The following RBFOX1 variants were observed in gnomAD, a reference collection of about 807,000 sequenced individuals.
The protein encoded by RBFOX1 is RNA binding protein fox-1 homolog 1.
A neutral mutation model predicts 57.7 loss-of-function variants in RBFOX1; 8 were observed. The observed-to-expected ratio is 0.14, with a 90% CI of 0.08 to 0.25. RBFOX1 has a LOEUF of 0.25. RBFOX1 is among the 10% of genes least tolerant of loss of function. RBFOX1 has a pLI of 1.00. For synonymous variants in RBFOX1, 326 were observed against 222.4 expected, an observed-to-expected ratio of 1.47 and a Z score of -4.15; for missense variants, 611 against 548.5, an observed-to-expected ratio of 1.11 and a Z score of -1.14.
intron 4 of RBFOX1, among the ~76,000 whole-genome samples, chr16:7,322,956 A>T (rs1410412864): frequency 2.6e-5 from 4 of 152,082 alleles, no homozygotes; most frequent in Non-Finnish European, 4.4e-5. Flanking sequence ...CCACTTCCTG[A>T]AGACTCAGTG....
intron 4 of RBFOX1, among the ~76,000 whole-genome samples, chr16:7,178,375 A>G (rs1438395343): frequency 6.6e-6 from 1 of 152,220 alleles, no homozygotes; most frequent in African/African-American, 2.4e-5. Context: ...ATTTGGGCAT[A>G]GCTACTTGCA....
At chr16:6,577,136 C>T (rs1006755131) in intron 2 of RBFOX1, 8 of 152,118 alleles carry the variant, frequency 5.3e-5, no homozygotes, top group Admixed American at 1.3e-4. Flanking sequence ...ATGTTAAAAA[C>T]GGAGTTGTCA....
chr16:6,629,582 G>C (rs116373106), intron 2 of RBFOX1, among the ~76,000 whole-genome samples: 1 of 152,174 alleles, frequency 6.6e-6, no homozygotes, highest in African/African-American at 2.4e-5. Context: ...GAATGAGGGT[G>C]GTTAGGGTGG....
At chr16:5,720,359 C>T (rs55831732) in intron 3 of RBFOX1, among the ~76,000 whole-genome samples, 5,579 of 152,236 alleles carry the variant, frequency 0.037, 356 homozygotes, top group African/African-American at 0.13. Context: ...TATTTTCTCC[C>T]ATTCTACAGG....
chr16:5,536,082 C>T (rs1372337467), intron 2 of RBFOX1, among the ~76,000 whole-genome samples: 4 of 143,626 alleles, frequency 2.8e-5, no homozygotes, highest in African/African-American at 1.1e-4. Context: ...CTGAGAAGTC[C>T]CCAAGTCATC....
chr16:5,812,993 C>T (rs888930193), intron 3 of RBFOX1, among the ~76,000 whole-genome samples: 14 of 149,212 alleles, frequency 9.4e-5, no homozygotes, highest in African/African-American at 3.2e-4. Flanking sequence ...AACATAAAGT[C>T]TATCCCTTTA....
chr16:7,418,193 T>G (rs999126575), intron 4 of RBFOX1, among the ~76,000 whole-genome samples: 4 of 152,184 alleles, frequency 2.6e-5, no homozygotes, highest in Non-Finnish European at 4.4e-5. Context: ...GTCCATAGTT[T>G]CCACCCCAGA....
chr16:7,599,968 A>G (rs745708971), intron 9 of RBFOX1, among the ~76,000 whole-genome samples: 1 of 152,054 alleles, frequency 6.6e-6, no homozygotes, highest in Non-Finnish European at 1.5e-5. Flanking sequence ...AAGTAACAAA[A>G]TCTTGTGACC....
chr16:5,673,607 C>T (rs906279300), intron 3 of RBFOX1, among the ~76,000 whole-genome samples: 4 of 152,342 alleles, frequency 2.6e-5, no homozygotes, highest in Middle Eastern at 3.4e-3. Flanking sequence ...CAACTATCTC[C>T]ATTCAGTGAA....
At chr16:5,715,121 C>G (rs555411742) in intron 3 of RBFOX1, among the ~76,000 whole-genome samples, 1 of 152,192 alleles carries the variant, frequency 6.6e-6, no homozygotes, top group East Asian at 1.9e-4. Context: ...TACATTTAGC[C>G]ATTTTGCCTC....
chr16:7,119,006 G>T (rs113355020), intron 4 of RBFOX1, among the ~76,000 whole-genome samples: 63 of 152,278 alleles, frequency 4.1e-4, no homozygotes, highest in African/African-American at 1.4e-3. Context: ...CTGTGTGCCA[G>T]AGGACACTCA....
chr16:6,157,119 G>A (rs1254216435), intron 1 of RBFOX1, among the ~76,000 whole-genome samples: 1 of 151,956 alleles, frequency 6.6e-6, no homozygotes, highest in East Asian at 1.9e-4. Context: ...AGAGGTGTGA[G>A]CCAACACCCC....
chr16:5,459,504 G>T (rs552871902), intron 1 of RBFOX1, among the ~76,000 whole-genome samples: 1 of 152,046 alleles, frequency 6.6e-6, no homozygotes, highest in Non-Finnish European at 1.5e-5. Context: ...GTGACCAACC[G>T]CCTGACCACT....
At chr16:7,317,606 G>A (rs1044715134) in intron 4 of RBFOX1, among the ~76,000 whole-genome samples, 1 of 152,162 alleles carries the variant, frequency 6.6e-6, no homozygotes, top group African/African-American at 2.4e-5. Context: ...CTTCTAATAT[G>A]GTGGGTGAGA....
chr16:5,902,361 A>G (rs1202541492), intron 4 of RBFOX1, among the ~76,000 whole-genome samples: 2 of 152,182 alleles, frequency 1.3e-5, no homozygotes, highest in Non-Finnish European at 2.9e-5. Flanking sequence ...CCACAGAGAA[A>G]TGCTCTGCTG....
intron 2 of RBFOX1, among the ~76,000 whole-genome samples, chr16:5,509,190 A>G (rs1400049204): frequency 6.6e-6 from 1 of 152,222 alleles, no homozygotes. Flanking sequence ...TGATGCCCAC[A>G]TGCAGGGTGG....
At chr16:7,100,319 A>G (rs955840045) in intron 4 of RBFOX1, among the ~76,000 whole-genome samples, 2 of 152,172 alleles carry the variant, frequency 1.3e-5, no homozygotes, top group African/African-American at 2.4e-5. Context: ...AATAAAAGTC[A>G]TATTTGGACA....
intron 4 of RBFOX1, among the ~76,000 whole-genome samples, chr16:7,233,720 T>G (rs186513764): frequency 6.6e-6 from 1 of 152,338 alleles, no homozygotes; most frequent in East Asian, 1.9e-4. Flanking sequence ...GTCTTTTATT[T>G]ATGGTATATG....
In RBFOX1 at chr16:6,600,907, G is replaced by C. The variant is rs2154006686; in HGVS notation, c.-63-53696G>C. On this transcript the variant is annotated intron_variant, in intron 2 of 15. Coordinates refer to ENST00000550418, the MANE Select transcript of RBFOX1 (RefSeq NM_018723.4). ...AGATCTATGAAAAAGCCTCTAATAT[G>C]ACTAAACAAAGTCCCTCAGGTGATA... Among the ~76,000 whole-genome samples the C allele has an allele frequency of 2.0e-5, 3 of 152,272 alleles. No individual in the cohort carries two copies. In the South Asian group the frequency reaches 6.2e-4, roughly 32 times the overall value.
Sources: allele counts gnomAD v4.1 joint callset (sites outside exome capture counted in the v4.1 genomes callset), GRCh38; gene constraint gnomAD v4.1.1; transcripts MANE v1.5; gene names NCBI Gene and HGNC (gene_info 2026-07-23, HGNC 2026-07-21).